The following MYO15A variants were observed in gnomAD, a reference collection of about 807,000 sequenced individuals.
MYO15A encodes the protein myosin XVA.
Under a neutral mutation model 394.6 loss-of-function variants are expected in MYO15A, and 308 were observed. The ratio of observed to expected loss-of-function variants is 0.78; its 90% CI spans 0.71 to 0.86. MYO15A has a LOEUF of 0.86. Ranked by LOEUF, MYO15A falls within the 40% of genes least tolerant of loss-of-function variation. The pLI, the probability that MYO15A is intolerant of heterozygous loss-of-function variation, is 0.00. For synonymous variants in MYO15A, 1,957 were observed against 2,003.8 expected (o/e 0.98, Z 0.62); for missense variants, 4,606 against 4,799.1 (o/e 0.96, Z 1.19).
chr17:18,130,896 G>A, intron 8 of MYO15A, 86 bp downstream of exon 8: 1 of 1,421,486 alleles, frequency 7.0e-7, no homozygotes, highest in Non-Finnish European at 9.7e-7. Flanking sequence ...GCGTGTGGAT[G>A]TGCCTGCTCC....
intron 65 of MYO15A, 49 bp from the exon 66 acceptor site, chr17:18,178,720 A>C: frequency 1.2e-5 from 18 of 1,542,946 alleles, no homozygotes; most frequent in Non-Finnish European, 1.3e-5. Context: ...CCCCAAGGTA[A>C]GAGCTGGGGA....
chr17:18,132,620 G>A lies in MYO15A; in HGVS notation c.4320+54G>A, dbSNP rs931950757. ...CTGGCCCTGGTCCTCCCACCCCGACGCCCCTGGCTGGGCCTTGGGAGCCGA... is the reference window on the plus strand; with the variant it reads ...CTGGCCCTGGTCCTCCCACCCCGACACCCCTGGCTGGGCCTTGGGAGCCGA... On this transcript the variant is annotated intron_variant, in intron 11 of 65. Transcript: ENST00000647165. This position sits in a 1 kb window ranked among gnomAD's most constrained non-coding sequence, Gnocchi z 4.6. The A allele has an allele frequency of 1.2e-5, 17 of 1,473,638 alleles. No individual in the cohort carries two copies. The highest frequency in any genetic ancestry group is 4.1e-5 in the African/African-American group (3 of 72,294). The allele number at this position is 1,473,638 out of a possible 1,614,324, so 91.3% of individuals were successfully genotyped here.
At position 18,118,619 on chromosome 17, in the gene MYO15A, G is replaced by A. The variant is rs1235502498; in HGVS notation, c.-182G>A. 3.7e-6 allele frequency: 3 copies of A among 816,874 alleles called. No individual in the cohort carries two copies. Among genetic ancestry groups the A allele is most frequent in the Non-Finnish European group, 3.8e-6 (2 of 528,466 alleles). 50.6% of individuals were successfully genotyped at this position (816,874 alleles called of 1,614,324 possible). ...GGCGCTCTAGAGGAGATGAATTATG[G>A]ATCCGCCCTCCCGGAATCCTGGCTC... On this transcript the variant is annotated 5_prime_UTR_variant, in exon 2 of 66. Coordinates refer to ENST00000647165, the MANE Select transcript of MYO15A (RefSeq NM_016239.4).
In MYO15A at chr17:18,161,330, CG is replaced by C; in HGVS notation, c.9401del (p.Arg3134GlnfsTer9). 1 of 1,613,926 alleles carries C rather than the reference CG, an allele frequency of 6.2e-7. No individual in the cohort carries two copies. The highest frequency in any genetic ancestry group is 8.5e-7 in the Non-Finnish European group (1 of 1,180,000). On this transcript the variant is annotated frameshift_variant, in exon 57 of 66. Transcript: ENST00000647165. LOFTEE classifies it high-confidence loss of function. ...GTGTCCTTGCAGGGACAGCTGCCAG[CG>C]AGGCTGGAGGCTGCTGTATATCGTG... is the stretch of plus-strand genomic sequence containing the variant. ...NTSSKQDSCQ[R>X]GWRLLYIVTA...
rs760123012 is a variant in MYO15A, at chr17:18,154,176, C to A, written c.8134C>A (p.Leu2712Ile). The change falls in exon 44 of 66, where the codon CTC becomes ATC. Residue 2712 changes from leucine (L) to isoleucine (I), a missense_variant. Leu to Ile is a conservative substitution (Grantham distance 5). Coordinates refer to ENST00000647165, the MANE Select transcript of MYO15A (RefSeq NM_016239.4). ...CTACAGCCATCCTGTGCAGCTTGACCTCCTGTTCCGGCAGGTGAGGTCCTG... is the reference window on the plus strand; with the variant it reads ...CTACAGCCATCCTGTGCAGCTTGACATCCTGTTCCGGCAGGTGAGGTCCTG... ...DSYSHPVQLD[L>I]LFRQILHDTL... 1.2e-5 allele frequency: 20 copies of A among 1,613,960 alleles called. No homozygotes were observed. Among genetic ancestry groups the A allele is most frequent in the African/African-American group, 5.3e-5 (4 of 74,948 alleles).
chr17:18,155,844 C>A (rs896807337), intron 47 of MYO15A: 3 of 426,390 alleles, frequency 7.0e-6, no homozygotes, highest in African/African-American at 2.0e-5. Context: ...GGGAATGGAA[C>A]CTTGCTAACT....
In MYO15A at chr17:18,173,791, T is replaced by C. The variant is rs760942239; in HGVS notation, c.10361T>C (p.Val3454Ala). 10 of 1,613,844 alleles carry C rather than the reference T, an allele frequency of 6.2e-6. No homozygotes were observed. In the African/African-American group the frequency reaches 1.1e-4, roughly 17 times the overall value. The change falls in exon 65 of 66, where the codon GTG (valine) becomes GCG (alanine). Residue 3454 changes from valine to alanine, a missense_variant. By Grantham distance (64) the Val-to-Ala change is moderately conservative. Transcript: ENST00000647165. ...TCCTCCTACTCCCAGGAATTGATGGTGAAGTTCCCCCTGAAGGAGATCCAG... is the reference window on the plus strand; with the variant it reads ...TCCTCCTACTCCCAGGAATTGATGGCGAAGTTCCCCCTGAAGGAGATCCAG... ...FLSTETHELM[V>A]KFPLKEIQST...
chr17:18,148,460 T>C lies in MYO15A; in HGVS notation c.6692-36T>C. The C allele has an allele frequency of 6.4e-7, 1 of 1,550,986 alleles. No homozygotes were observed. On this transcript the variant is annotated intron_variant, in intron 31 of 65. Transcript: ENST00000647165. This position sits in a 1 kb window ranked among gnomAD's most constrained non-coding sequence, Gnocchi z 4.8. ...GAGGCACAGCCAAACTGGACTCAGA[T>C]GCTCCAACCTGAGCCCGGCACCTGC... is the stretch of plus-strand genomic sequence containing the variant.
intron 61 of MYO15A, among the ~76,000 whole-genome samples, chr17:18,167,330 G>A (rs2046868710): frequency 6.6e-6 from 1 of 152,222 alleles, no homozygotes. Context: ...CAGTGTTGAT[G>A]CTCTGCTCTC....
rs751149179 is a variant in MYO15A, at chr17:18,121,631, C to T, written c.2831C>T (p.Pro944Leu). The T allele has an allele frequency of 9.4e-6, 15 of 1,602,940 alleles. No individual in the cohort carries two copies. In the South Asian group the frequency reaches 1.5e-4, roughly 16 times the overall value. Residue 944 changes from proline to leucine, a missense_variant, in exon 2 of 66, where the codon CCA becomes CTA. By Grantham distance (98) the Pro-to-Leu change is moderately conservative. This residue lies in a region of MYO15A where 1,830 missense variants were observed against 1,689.7 expected (regional missense o/e 1.08). Transcript: ENST00000647165. This position sits in a 1 kb window ranked among gnomAD's most constrained non-coding sequence, Gnocchi z 5.3. The stretch of plus-strand genomic sequence containing the variant: ...ACCCAACGCCCACCCTCCCCCTGGC[C>T]AGGAGGTGCAGGCAGCCGCCGAGGC... Reference protein sequence around the residue: ...PPTQRPPSPWPGGAGSRRGFS... With the variant: ...PPTQRPPSPWLGGAGSRRGFS...
chr17:18,157,931 G>GGGGGGGGGGC, intron 51 of MYO15A, 31 bp downstream of exon 51: 4 of 412,708 alleles, frequency 9.7e-6, no homozygotes, highest in Non-Finnish European at 1.8e-5. Flanking sequence ...GTGGGGCGGG[G>GGGGGGGGGGC]TAGACCAGGG....
At chr17:18,169,799 C>CA (rs1248177101) in intron 62 of MYO15A, among the ~76,000 whole-genome samples, 3 of 150,352 alleles carry the variant, frequency 2.0e-5, no homozygotes, top group Non-Finnish European at 3.0e-5. Context: ...ACTCTATTTT[C>CA]AAAAAAAAAT....
rs527266293 is a variant in MYO15A at position 18,153,519 on chromosome 17, A to G, written c.7967-256A>G. ...TGAGACTAGCCGGCCCAACATGGCG[A>G]AACCCCATCTCTACTAAACATACAA... On this transcript the variant is annotated intron_variant, in intron 42 of 65. Transcript: ENST00000647165. The surrounding 1 kb of genome is among the most constrained non-coding windows in gnomAD (Gnocchi z 4.1). 6.9e-4 allele frequency: 126 copies of G among 181,592 alleles called. No individual in the cohort carries two copies. The highest frequency in any genetic ancestry group is 1.1e-3 in the Non-Finnish European group (104 of 90,660). 11.2% of individuals were successfully genotyped at this position (181,592 alleles called of 1,614,324 possible). A position where few individuals can be genotyped will look rare whatever the true frequency, so the allele number is the denominator to read the frequency against.
Position 18,152,235 on chromosome 17 carries a change from G to T in MYO15A, c.7966+51G>T, listed in dbSNP as rs557815527. 43 of 1,521,798 alleles carry T rather than the reference G, an allele frequency of 2.8e-5. No individual in the cohort carries two copies. In the East Asian group the frequency reaches 8.3e-4, roughly 29 times the overall value. The allele number at this position is 1,521,798 out of a possible 1,614,324, so 94.3% of individuals were successfully genotyped here. A position where few individuals can be genotyped will look rare whatever the true frequency, so the allele number is the denominator to read the frequency against. On this transcript the variant is annotated intron_variant, in intron 42 of 65. Coordinates refer to ENST00000647165, the MANE Select transcript of MYO15A (RefSeq NM_016239.4). ...GGAGGGTGTCCAAGTATATGAGGAA[G>T]TCTGTGGGCACAGGTGAGTGTGTCG...
At chr17:18,109,582 A>G in intron 1 of MYO15A, 1 of 152,132 alleles carries the variant, frequency 6.6e-6, no homozygotes, top group Non-Finnish European at 1.5e-5. Flanking sequence ...AGACCCCCCA[A>G]AGGTCTCTGA....
chr17:18,130,717 C>G, intron 7 of MYO15A, 88 bp from the exon 8 acceptor site: 2 of 1,608,000 alleles, frequency 1.2e-6, no homozygotes, highest in South Asian at 1.1e-5. Flanking sequence ...GGCTCCTAGT[C>G]TCCTGGAGAG....
intron 56 of MYO15A, chr17:18,160,997 C>A: frequency 2.2e-6 from 1 of 465,092 alleles, no homozygotes; most frequent in Non-Finnish European, 4.0e-6. Context: ...GTCTCAGCAG[C>A]TTCCCCTTTT....
At chr17:18,126,994 T>A in intron 6 of MYO15A, 81 bp from the exon 7 acceptor site, 1 of 1,600,800 alleles carries the variant, frequency 6.2e-7, no homozygotes, top group South Asian at 1.1e-5. Context: ...GTACATATCC[T>A]CTTGCTTCAT....
rs1030022841 is a variant in MYO15A at position 18,136,572 on chromosome 17, C to T, written c.4665C>T (p.Ile1555=). 6 of 1,613,938 alleles carry T rather than the reference C, an allele frequency of 3.7e-6. No individual in the cohort carries two copies. The highest frequency in any genetic ancestry group is 1.3e-5 in the African/African-American group (1 of 74,944). The part of the protein sequence containing the change: ...VESAVDARDA[I]AKVLYALLFS... Reference sequence around the variant, plus strand: ...ACCACCTCTGCTCCAGGGACGCCATCGCCAAGGTCTTGTATGCACTGCTGT... The same window carrying T: ...ACCACCTCTGCTCCAGGGACGCCATTGCCAAGGTCTTGTATGCACTGCTGT... The change falls in exon 15 of 66, where the codon ATC becomes ATT. Residue 1555 remains isoleucine (I), a synonymous_variant. Coordinates refer to ENST00000647165, the MANE Select transcript of MYO15A (RefSeq NM_016239.4).
Sources: gnomAD v4.1 joint callset for allele counts (sites outside exome capture counted in the v4.1 genomes callset) on GRCh38, gnomAD v4.1.1 for gene constraint, gnomAD v4.1.1 regional missense constraint, Gnocchi (gnomAD v3.1) non-coding constraint, MANE v1.5 for transcripts, NCBI Gene and HGNC (gene_info 2026-07-23, HGNC 2026-07-21) for gene names.